The following METTL22 variants were observed in gnomAD, a reference collection of about 807,000 sequenced individuals.
METTL22 encodes methyltransferase 22, Kin17 lysine.
METTL22 carries 51 observed loss-of-function variants against 48.4 expected under a neutral mutation model. The ratio of observed to expected loss-of-function variants is 1.05; its 90% CI spans 0.84 to 1.33. The LOEUF is 1.33. Ranked by LOEUF, METTL22 falls within the 40% of genes most tolerant of loss-of-function variation. METTL22 has a pLI of 0.00. For missense variants in METTL22, 678 were observed against 526.9 expected, an observed-to-expected ratio of 1.29 and a Z score of -2.81; for synonymous variants, 255 against 214.1, an observed-to-expected ratio of 1.19 and a Z score of -1.67.
At position 8,628,647 on chromosome 16, in the gene METTL22, A is replaced by G. The variant is rs930599352; in HGVS notation, c.134-83A>G. The G allele has an allele frequency of 8.6e-6, 13 of 1,503,654 alleles. No individual in the cohort carries two copies. In the African/African-American group the frequency reaches 1.1e-4, roughly 13 times the overall value. 93.1% of individuals were successfully genotyped at this position (1,503,654 alleles called of 1,614,324 possible). On this transcript the variant is annotated intron_variant, in intron 2 of 10. Coordinates refer to ENST00000381920, the MANE Select transcript of METTL22 (RefSeq NM_024109.4). ...CCTTTAAAAATCTTTCCTATTGGTA[A>G]TCAGATATTCTCAAAGAAGAAGAGG... is the stretch of plus-strand genomic sequence containing the variant.
Position 8,628,773 on chromosome 16 carries a change from G to C in METTL22, c.177G>C (p.Trp59Cys), listed in dbSNP as rs757726000. 9 of 1,614,138 alleles carry C rather than the reference G, an allele frequency of 5.6e-6. No individual in the cohort carries two copies. Among genetic ancestry groups the C allele is most frequent in the Non-Finnish European group, 7.6e-6 (9 of 1,180,014 alleles). ...AGCTTCTATGGAGCCAAGACTCTTG[G>C]ACAGATTCAGGAGCCAAGGGTGGCA... ...QFKLLWSQDS[W>C]TDSGAKGGSH... The change falls in exon 3 of 11, where the codon TGG becomes TGC. Residue 59 changes from tryptophan to cysteine, a missense_variant. Transcript: ENST00000381920.
chr16:8,666,740 C>G, the METTL22 span: 1 of 151,816 alleles, frequency 6.6e-6, no homozygotes, highest in Non-Finnish European at 1.5e-5. Flanking sequence ...TATAACCATT[C>G]TGCCATGCTG....
rs766112151 is a variant in METTL22 at position 8,642,502 on chromosome 16, C to T, written c.947C>T (p.Thr316Met). 9 of 1,614,222 alleles carry T rather than the reference C, an allele frequency of 5.6e-6. No individual in the cohort carries two copies. The highest frequency in any genetic ancestry group is 2.7e-5 in the African/African-American group (2 of 75,060). Residue 316 changes from threonine to methionine, a missense_variant, in exon 9 of 11, where the codon ACG (threonine) becomes ATG (methionine). Thr to Met is a moderately conservative substitution (Grantham distance 81, BLOSUM62 -1). Coordinates refer to ENST00000381920, the MANE Select transcript of METTL22 (RefSeq NM_024109.4). ...DDDLTDAVFK[T>M]LSRLAHRLKN... The stretch of plus-strand genomic sequence containing the variant: ...GACTTGACTGATGCTGTGTTTAAAA[C>T]GCTCTCCCGACTCGCCCACAGATTG...
Position 8,648,889 on chromosome 16 carries a change from C to T in METTL22, c.*2746C>T, listed in dbSNP as rs2056850114. ...TGTGTGCACAGTAGTTTGAGAAGCT[C>T]TGGGGCCTACCACATAGCCCTCAAC... On this transcript the variant is annotated 3_prime_UTR_variant, in exon 11 of 11. Transcript: ENST00000381920. The T allele has an allele frequency of 6.6e-6, 1 of 152,248 alleles. No individual in the cohort carries two copies. The highest frequency in any genetic ancestry group is 1.5e-5 in the Non-Finnish European group (1 of 68,048). The allele number at this position is 152,248 out of a possible 1,614,324, so 9.4% of individuals were successfully genotyped here.
chr16:8,656,052 A>T, the METTL22 span, among the ~76,000 whole-genome samples: 2 of 152,176 alleles, frequency 1.3e-5, no homozygotes, highest in Non-Finnish European at 2.9e-5. Flanking sequence ...GAGTTAGGAT[A>T]CCAGTGGTAT....
chr16:8,642,665 AGTGCCACT>A (rs2056661167), intron 9 of METTL22, 100 bp downstream of exon 9: 1 of 1,139,624 alleles, frequency 8.8e-7, no homozygotes, highest in Non-Finnish European at 1.3e-6. Context: ...ATTGTTACTC[AGTGCCACT>A]TATTGAGCAC....
At chr16:8,661,368 C>T in the METTL22 span, among the ~76,000 whole-genome samples, 9 of 151,606 alleles carry the variant, frequency 5.9e-5, no homozygotes, top group South Asian at 2.1e-4. Flanking sequence ...TACCGTTGGC[C>T]GGGCGCGGTG....
chr16:8,624,621 T>G lies in METTL22; in HGVS notation c.-170-875T>G, dbSNP rs149140174. Among the ~76,000 whole-genome samples, 406 of 152,168 alleles carry G rather than the reference T, an allele frequency of 2.7e-3. 2 individuals carry two copies. The highest frequency in any genetic ancestry group is 4.2e-3 in the South Asian group (20 of 4,814). ...TGGCTCACGCCTGTAATCCCAGCAC[T>G]TTAGGAAGCTGATATGGGAGGATGG... On this transcript the variant is annotated intron_variant, in intron 1 of 10. Transcript: ENST00000381920.
chr16:8,625,951 A>G (rs1227805523), intron 2 of METTL22, among the ~76,000 whole-genome samples, 153 bp downstream of exon 2: 1 of 152,104 alleles, frequency 6.6e-6, no homozygotes, highest in East Asian at 1.9e-4. Context: ...ATGATTTTTT[A>G]AAAACCTTGT....
intron 3 of METTL22, among the ~76,000 whole-genome samples, chr16:8,630,027 AT>A (rs5815481): frequency 0.99 from 150,265 of 152,166 alleles, 74,226 homozygotes; most frequent in Middle Eastern, 1. Context: ...GGCGCTGCTC[AT>A]TTGGGGAGCG....
intron 9 of METTL22, 66 bp from the exon 10 acceptor site, chr16:8,644,491 G>A (rs1596368091): frequency 6.8e-7 from 1 of 1,472,786 alleles, no homozygotes; most frequent in South Asian, 1.3e-5. Context: ...AAGCAAGGTG[G>A]GCAGAAACAG....
chr16:8,654,299 A>T (rs1596381116), downstream of METTL22, among the ~76,000 whole-genome samples: 1 of 152,136 alleles, frequency 6.6e-6, no homozygotes, highest in East Asian at 1.9e-4. Flanking sequence ...GCTCTTCACC[A>T]CTCCTGGTAA....
chr16:8,633,572 C>T (rs1246138913), intron 3 of METTL22, among the ~76,000 whole-genome samples: 2 of 152,204 alleles, frequency 1.3e-5, no homozygotes, highest in Admixed American at 6.5e-5. Flanking sequence ...TGCCACCACA[C>T]TCCAGCGTAG....
At chr16:8,660,104 CA>C in the METTL22 span, among the ~76,000 whole-genome samples, 3 of 52,532 alleles carry the variant, frequency 5.7e-5, no homozygotes, top group African/African-American at 1.2e-4. Context: ...CCAAAGGGTA[CA>C]GTGATTTTTG....
chr16:8,656,824 A>G, the METTL22 span, among the ~76,000 whole-genome samples: 33,583 of 152,276 alleles, frequency 0.22, 3,977 homozygotes, highest in African/African-American at 0.31. Flanking sequence ...GAGGTCCAAG[A>G]GCTAAAGGCC....
the METTL22 span, among the ~76,000 whole-genome samples, chr16:8,660,799 GGAGGAGGAGGAGGAGGAGGAGGAGGAGGA>G: frequency 1.8e-4 from 1 of 5,500 alleles, no homozygotes; most frequent in African/African-American, 4.0e-4. Context: ...AGGAGGAGGA[GGAGGAGGAGGAGGAGGAGGAGGAGGAGGA>G]GGGGGAGGAG....
chr16:8,642,637 C>T (rs2056659921), intron 9 of METTL22, 72 bp downstream of exon 9: 1 of 1,397,312 alleles, frequency 7.2e-7, no homozygotes, highest in Non-Finnish European at 1.0e-6. Context: ...TAATTGTGTC[C>T]TTGTCAGTGT....
chr16:8,659,423 C>G, the METTL22 span, among the ~76,000 whole-genome samples: 1 of 152,050 alleles, frequency 6.6e-6, no homozygotes, highest in African/African-American at 2.4e-5. Context: ...TATGAATTGC[C>G]CAGCCTGACC....
At chr16:8,662,475 C>G in the METTL22 span, among the ~76,000 whole-genome samples, 3 of 144,290 alleles carry the variant, frequency 2.1e-5, 1 homozygote, top group African/African-American at 7.8e-5. Flanking sequence ...CTGCCTGCCT[C>G]AGGCTTCAGG....
Sources: allele counts gnomAD v4.1 joint callset (sites outside exome capture counted in the v4.1 genomes callset), GRCh38; gene constraint gnomAD v4.1.1; transcripts MANE v1.5; gene names NCBI Gene and HGNC (gene_info 2026-07-23, HGNC 2026-07-21).